The following RGS12 variants were observed in gnomAD, a reference collection of about 807,000 sequenced individuals.
The protein encoded by RGS12 is regulator of G-protein signaling 12.
RGS12 carries 66 observed loss-of-function variants against 120.1 expected under a neutral mutation model. The ratio of observed to expected loss-of-function variants is 0.55; its 90% CI spans 0.45 to 0.67. The LOEUF is 0.67. Among genes scored for constraint, RGS12 ranks in the 30% least tolerant of loss-of-function variants. The pLI, the probability that RGS12 is intolerant of heterozygous loss-of-function variation, is 0.00. For synonymous variants in RGS12, 827 were observed against 804.7 expected, an observed-to-expected ratio of 1.03 and a Z score of -0.47; for missense variants, 1,859 against 1,957.7, an observed-to-expected ratio of 0.95 and a Z score of 0.95.
Position 3,403,606 on chromosome 4 carries a change from C to G in RGS12, c.2021-10466C>G, listed in dbSNP as rs1275620245. Among the ~76,000 whole-genome samples, 4 of 152,356 alleles carry G rather than the reference C, an allele frequency of 2.6e-5. No homozygotes were observed. The East Asian group carries it at 7.7e-4, about 29-fold the overall frequency. On this transcript the variant is annotated intron_variant, in intron 4 of 17. Coordinates refer to ENST00000336727, the MANE Select transcript of RGS12 (RefSeq NM_001394154.1). ...TTTCTGAGGAGGTGCTATTCCAGAT[C>G]CCTGTTTTCTAACCCTCAGCAGGCT...
At chr4:3,295,856 C>T (rs1391691347) in intron 1 of RGS12, among the ~76,000 whole-genome samples, 1 of 152,182 alleles carries the variant, frequency 6.6e-6, no homozygotes, top group African/African-American at 2.4e-5. Context: ...AGAAACATTT[C>T]CCTTCCCAGT....
At position 3,430,680 on chromosome 4, in the gene RGS12, G is replaced by GC; in HGVS notation, c.3845dup (p.Gly1283TrpfsTer53). 1.3e-6 allele frequency: 2 copies of GC among 1,581,856 alleles called. No individual in the cohort carries two copies. Among genetic ancestry groups the GC allele is most frequent in the Non-Finnish European group, 1.7e-6 (2 of 1,163,498 alleles). ...TCCACCAGCCCGGGCTCAGCCTCCA[G>GC]CCCCCCTGGACCTCCTGGGACGACC... On this transcript the variant is annotated frameshift_variant, in exon 17 of 18. Transcript: ENST00000336727. LOFTEE classifies it high-confidence loss of function.
At chr4:3,424,532 G>A (rs1298667018) in intron 13 of RGS12, among the ~76,000 whole-genome samples, 1 of 152,206 alleles carries the variant, frequency 6.6e-6, no homozygotes, top group Non-Finnish European at 1.5e-5. Flanking sequence ...CTGCGCAATT[G>A]TTTAGCCCCT....
At chr4:3,362,868 G>GGT (rs747669926) in intron 3 of RGS12, among the ~76,000 whole-genome samples, 3,025 of 121,692 alleles carry the variant, frequency 0.025, 60 homozygotes, top group East Asian at 0.13. Flanking sequence ...TGTGTGCGAG[G>GGT]GTGTGTGTGT....
chr4:3,425,310 CT>C, intron 13 of RGS12, 153 bp from the exon 14 acceptor site: 1 of 704,224 alleles, frequency 1.4e-6, no homozygotes, highest in African/African-American at 1.8e-5. Context: ...TCAGCCCCAG[CT>C]TGTGTGCCTC....
intron 6 of RGS12, among the ~76,000 whole-genome samples, chr4:3,415,236 G>T (rs1052750204): frequency 1.3e-5 from 2 of 152,146 alleles, no homozygotes; most frequent in African/African-American, 4.8e-5. Flanking sequence ...CTCATTGGAG[G>T]CTGGCTCGGT....
intron 17 of RGS12, among the ~76,000 whole-genome samples, chr4:3,436,896 C>T (rs756477562): frequency 3.9e-4 from 59 of 152,302 alleles, no homozygotes; most frequent in Admixed American, 1.1e-3. Context: ...AGCCGTGGGG[C>T]GCCGGGGAGA....
At chr4:3,422,722 A>G in intron 11 of RGS12, 152 bp downstream of exon 11, 2 of 1,069,560 alleles carry the variant, frequency 1.9e-6, no homozygotes, top group South Asian at 1.5e-5. Context: ...GAACTGAGCT[A>G]TCTGCTGGGA....
At chr4:3,378,109 G>A (rs986048981) in intron 3 of RGS12, 2 of 152,148 alleles carry the variant, frequency 1.3e-5, no homozygotes, top group South Asian at 2.1e-4. Context: ...AATACAAATA[G>A]TACTGTATAT....
At chr4:3,330,115 G>A (rs2108731407) in intron 2 of RGS12, among the ~76,000 whole-genome samples, 1 of 152,306 alleles carries the variant, frequency 6.6e-6, no homozygotes, top group South Asian at 2.1e-4. Context: ...AAATGCACCT[G>A]CTTACATCAG....
At chr4:3,426,907 C>T (rs1723719413) in intron 14 of RGS12, among the ~76,000 whole-genome samples, 2 of 152,156 alleles carry the variant, frequency 1.3e-5, no homozygotes, top group African/African-American at 4.8e-5. Context: ...TGTGAGGAGC[C>T]ACTTCAGGTG....
At chr4:3,417,708 G>A in intron 9 of RGS12, 167 bp downstream of exon 9, 1 of 691,284 alleles carries the variant, frequency 1.4e-6, no homozygotes, top group Non-Finnish European at 2.4e-6. Context: ...CGCTGTGTCT[G>A]GGGACACGAC....
rs936035308 is a variant in RGS12 at position 3,366,773 on chromosome 4, TGA to T, written c.1999-19637_1999-19636del. On this transcript the variant is annotated intron_variant, in intron 3 of 17. Coordinates refer to ENST00000336727, the MANE Select transcript of RGS12 (RefSeq NM_001394154.1). This position sits in a 1 kb window ranked among gnomAD's most constrained non-coding sequence, Gnocchi z 4.0. ...TGGTGTGGGTGGGCGCAGGAACTGG[TGA>T]GAGAGGCCTGGGAGACAGGTGAGTC... Among the ~76,000 whole-genome samples, 16 of 152,054 alleles carry T rather than the reference TGA, an allele frequency of 1.1e-4. No homozygotes were observed. Among genetic ancestry groups the T allele is most frequent in the African/African-American group, 3.9e-4 (16 of 41,416 alleles).
intron 4 of RGS12, among the ~76,000 whole-genome samples, chr4:3,401,777 G>A (rs545449904): frequency 1.6e-3 from 244 of 152,382 alleles, no homozygotes; most frequent in Middle Eastern, 6.8e-3. Flanking sequence ...CCTGTGAATC[G>A]TGAGAAGGAG....
chr4:3,418,839 T>A (rs911851522), intron 9 of RGS12: 1 of 151,908 alleles, frequency 6.6e-6, no homozygotes, highest in Non-Finnish European at 1.5e-5. Flanking sequence ...AGACAGTCCA[T>A]CCACTCGTGC....
At chr4:3,338,034 T>G (rs2749782) in intron 2 of RGS12, among the ~76,000 whole-genome samples, 1 of 151,974 alleles carries the variant, frequency 6.6e-6, no homozygotes, top group African/African-American at 2.4e-5. Context: ...AATGATTCTT[T>G]GCTCCGAACT....
chr4:3,439,448 G>C lies in RGS12; in HGVS notation c.4115-7G>C, dbSNP rs1725125604. The C allele has an allele frequency of 5.0e-6, 8 of 1,612,568 alleles. No individual in the cohort carries two copies. The South Asian group carries it at 6.6e-5, about 13-fold the overall frequency. ...GCAAGTGACAGCTTCTCTTCTCCTT[G>C]TGACAGGAAGTGGGACCCATGGCAG... On this transcript the variant is annotated splice_region_variant and splice_polypyrimidine_tract_variant and intron_variant, in intron 17 of 17. Coordinates refer to ENST00000336727, the MANE Select transcript of RGS12 (RefSeq NM_001394154.1).
At chr4:3,368,707 TGG>T (rs58838586) in intron 3 of RGS12, among the ~76,000 whole-genome samples, 2 of 37,570 alleles carry the variant, frequency 5.3e-5, no homozygotes, top group Admixed American at 4.2e-4. Flanking sequence ...CTGTGTGTGT[TGG>T]GGGTGCCTGT....
chr4:3,435,968 C>T lies in RGS12; in HGVS notation c.4115-3487C>T, dbSNP rs60135556. On this transcript the variant is annotated intron_variant, in intron 17 of 17. Coordinates refer to ENST00000336727, the MANE Select transcript of RGS12 (RefSeq NM_001394154.1). Reference sequence around the variant, plus strand: ...CTCAGTCACCCCCACTCCCCTATTCCCCACTCCCCTATTCCCCACTCACCA... The same window carrying T: ...CTCAGTCACCCCCACTCCCCTATTCTCCACTCCCCTATTCCCCACTCACCA... Among the ~76,000 whole-genome samples, 1,124 of 152,066 alleles carry T rather than the reference C, an allele frequency of 7.4e-3. 8 individuals carry two copies. Among genetic ancestry groups the T allele is most frequent in the African/African-American group, 0.026 (1,085 of 41,494 alleles).
Sources: allele counts gnomAD v4.1 joint callset (sites outside exome capture counted in the v4.1 genomes callset), GRCh38; gene constraint gnomAD v4.1.1; non-coding constraint Gnocchi (gnomAD v3.1); transcripts MANE v1.5; gene names NCBI Gene and HGNC (gene_info 2026-07-23, HGNC 2026-07-21).